The following GPHN variants were observed in gnomAD, a reference collection of about 807,000 sequenced individuals.
The protein encoded by GPHN is gephyrin.
A neutral mutation model predicts 95.5 loss-of-function variants in GPHN; 17 were observed. The ratio of observed to expected loss-of-function variants is 0.18; its 90% CI spans 0.12 to 0.27. The LOEUF is 0.27. GPHN is among the 10% of genes least tolerant of loss of function. GPHN has a pLI of 1.00. For synonymous variants in GPHN, 320 were observed against 322.5 expected, an observed-to-expected ratio of 0.99 and a Z score of 0.08; for missense variants, 660 against 978.1, an observed-to-expected ratio of 0.67 and a Z score of 4.34.
chr14:67,045,999 A>G (rs886796288), intron 10 of GPHN, among the ~76,000 whole-genome samples: 4 of 152,134 alleles, frequency 2.6e-5, no homozygotes, highest in East Asian at 3.9e-4. Context: ...TAGATATTAC[A>G]TATTAATAGA....
At chr14:66,559,035 A>G (rs866381199) in intron 1 of GPHN, among the ~76,000 whole-genome samples, 22 of 151,944 alleles carry the variant, frequency 1.4e-4, no homozygotes, top group Middle Eastern at 3.4e-3. Flanking sequence ...ATGATTTCCA[A>G]TTTCATCCAT....
At chr14:66,546,020 G>A (rs1389783497) in intron 1 of GPHN, among the ~76,000 whole-genome samples, 8 of 151,550 alleles carry the variant, frequency 5.3e-5, no homozygotes, top group South Asian at 2.1e-4. Context: ...CAGACGGGGC[G>A]GCCGGGCAGA....
chr14:67,026,384 AATG>A (rs1042363186), intron 10 of GPHN, among the ~76,000 whole-genome samples: 17 of 152,274 alleles, frequency 1.1e-4, no homozygotes, highest in African/African-American at 2.4e-4. Context: ...TTTTCTTGAT[AATG>A]ATGATGATAA....
the GPHN span, among the ~76,000 whole-genome samples, chr14:67,627,262 T>C: frequency 6.8e-6 from 1 of 146,020 alleles, no homozygotes; most frequent in Non-Finnish European, 1.5e-5. Context: ...AGGAGATATA[T>C]ATATATATAT....
the GPHN span, among the ~76,000 whole-genome samples, chr14:67,711,286 T>C: frequency 6.6e-6 from 1 of 152,236 alleles, no homozygotes; most frequent in East Asian, 1.9e-4. Context: ...TTCTAATCCC[T>C]ATGCCAAATT....
At chr14:67,150,245 A>G (rs1009402336) in intron 18 of GPHN, among the ~76,000 whole-genome samples, 2 of 151,606 alleles carry the variant, frequency 1.3e-5, no homozygotes, top group Admixed American at 6.6e-5. Context: ...GATCGAGACC[A>G]TCCCGGCTAA....
chr14:67,570,293 T>C, the GPHN span: 1 of 975,060 alleles, frequency 1.0e-6, no homozygotes, highest in African/African-American at 1.7e-5. Flanking sequence ...TCTGCCTCAC[T>C]CCTCAGGTCC....
At chr14:67,249,014 G>A in the GPHN span, among the ~76,000 whole-genome samples, 2,905 of 151,554 alleles carry the variant, frequency 0.019, 38 homozygotes, top group Middle Eastern at 0.034. Flanking sequence ...CCAGGCTGGA[G>A]TGCAATGGCA....
At chr14:66,887,866 T>C (rs1327266296) in intron 5 of GPHN, among the ~76,000 whole-genome samples, 1 of 152,162 alleles carries the variant, frequency 6.6e-6, no homozygotes, top group Non-Finnish European at 1.5e-5. Flanking sequence ...ACAGATACCA[T>C]GCAAGAACAG....
intron 6 of GPHN, among the ~76,000 whole-genome samples, chr14:66,916,883 C>T (rs1339072877): frequency 6.6e-6 from 1 of 152,116 alleles, no homozygotes; most frequent in African/African-American, 2.4e-5. Context: ...TCATGTTTGT[C>T]TGGGCATCTA....
At chr14:67,372,676 A>G in the GPHN span, among the ~76,000 whole-genome samples, 8 of 152,108 alleles carry the variant, frequency 5.3e-5, no homozygotes, top group Non-Finnish European at 1.2e-4. Context: ...TAAAATATAA[A>G]AAATTAGCGG....
chr14:66,990,556 A>G (rs760366735), intron 9 of GPHN, among the ~76,000 whole-genome samples: 6 of 152,062 alleles, frequency 3.9e-5, no homozygotes, highest in African/African-American at 9.7e-5. Flanking sequence ...TTCAATTTCA[A>G]TTTTCAAGGA....
intron 4 of GPHN, among the ~76,000 whole-genome samples, chr14:66,861,507 G>C (rs2063023591): frequency 6.6e-6 from 1 of 151,968 alleles, no homozygotes; most frequent in Admixed American, 6.6e-5. Context: ...CCTAATAGAT[G>C]TTTACAGAAT....
chr14:67,100,580 AG>A (rs1300997805), intron 12 of GPHN, among the ~76,000 whole-genome samples: 2 of 152,332 alleles, frequency 1.3e-5, no homozygotes, highest in African/African-American at 4.8e-5. Context: ...GGAAATTACG[AG>A]GTGACAGGAA....
chr14:66,617,144 G>T (rs2063079110), intron 1 of GPHN, among the ~76,000 whole-genome samples: 1 of 152,224 alleles, frequency 6.6e-6, no homozygotes, highest in South Asian at 2.1e-4. Flanking sequence ...TTGCTGGTCT[G>T]CAGAGACTGC....
At chr14:67,623,264 CTG>C in the GPHN span, among the ~76,000 whole-genome samples, 1 of 152,178 alleles carries the variant, frequency 6.6e-6, no homozygotes, top group Non-Finnish European at 1.5e-5. Context: ...TTCAGTTGCT[CTG>C]TTCCTAAACA....
chr14:66,833,561 T>C (rs543172796), intron 4 of GPHN, among the ~76,000 whole-genome samples: 1 of 152,224 alleles, frequency 6.6e-6, no homozygotes. Flanking sequence ...TTTCAGGACT[T>C]TCTTAGACTC....
the GPHN span, chr14:67,446,217 C>T: frequency 5.5e-6 from 2 of 361,632 alleles, no homozygotes; most frequent in Non-Finnish European, 1.1e-5. Flanking sequence ...GTTTTCTCAT[C>T]TGTAAAATAA....
the GPHN span, among the ~76,000 whole-genome samples, chr14:67,415,538 C>A: frequency 2.0e-5 from 3 of 152,160 alleles, no homozygotes; most frequent in African/African-American, 7.2e-5. Context: ...AAGCATATCA[C>A]AAAACTGCTT....
Sources: gnomAD v4.1 joint callset for allele counts (sites outside exome capture counted in the v4.1 genomes callset) on GRCh38, gnomAD v4.1.1 for gene constraint, MANE v1.5 for transcripts, NCBI Gene and HGNC (gene_info 2026-07-23, HGNC 2026-07-21) for gene names.